Variants in SHPRH observed in about 807,000 individuals in gnomAD.
SHPRH encodes E3 ubiquitin-protein ligase SHPRH.
Under a neutral mutation model 202.5 loss-of-function variants are expected in SHPRH, and 106 were observed. That is an observed-to-expected ratio of 0.52 (90% CI 0.45 to 0.62). The LOEUF is 0.62. Ranked by LOEUF, SHPRH falls within the 20% of genes least tolerant of loss-of-function variation. The pLI is 0.00. For synonymous variants in SHPRH, 729 were observed against 686.0 expected (o/e 1.06, Z -0.98); for missense variants, 1,710 against 2,020.0 (o/e 0.85, Z 2.94).
chr6:145,894,656 C>T (rs1781856287), intron 26 of SHPRH, among the ~76,000 whole-genome samples: 1 of 151,692 alleles, frequency 6.6e-6, no homozygotes, highest in Non-Finnish European at 1.5e-5. Context: ...TAAGAAAATC[C>T]TTAAATGAAA....
rs755863259 is a variant in SHPRH, at chr6:145,924,898, C to T, written c.3295-52G>A. 11 of 1,429,008 alleles carry T rather than the reference C, an allele frequency of 7.7e-6. No homozygotes were observed. The African/African-American group carries it at 1.1e-4, about 15-fold the overall frequency. The allele number at this position is 1,429,008 out of a possible 1,614,324, so 88.5% of individuals were successfully genotyped here. A position where few individuals can be genotyped will look rare whatever the true frequency, so the allele number is the denominator to read the frequency against. ...TTCACTCCCAATCTAGAATATAATT[C>T]AGTATGATGTTTCAAGAAGAATGGG... On this transcript the variant is annotated intron_variant, in intron 16 of 29. Transcript: ENST00000275233.
chr6:145,892,364 AAC>A (rs1462966888), intron 28 of SHPRH, among the ~76,000 whole-genome samples: 1 of 152,112 alleles, frequency 6.6e-6, no homozygotes, highest in Non-Finnish European at 1.5e-5. Flanking sequence ...TTCTTTTGTT[AAC>A]ACAGTCCTTT....
intron 11 of SHPRH, among the ~76,000 whole-genome samples, chr6:145,936,984 T>TCC (rs1562345157): frequency 2.3e-4 from 33 of 143,998 alleles, no homozygotes; most frequent in African/African-American, 7.6e-4. Context: ...TCATCTTTTT[T>TCC]TTTTTTTTTT....
At chr6:145,924,093 T>C (rs950791222) in intron 17 of SHPRH, among the ~76,000 whole-genome samples, 1 of 151,946 alleles carries the variant, frequency 6.6e-6, no homozygotes, top group Non-Finnish European at 1.5e-5. Context: ...CAATACTCAA[T>C]CTATATGTGT....
intron 28 of SHPRH, among the ~76,000 whole-genome samples, chr6:145,889,972 C>T (rs1187291724): frequency 6.6e-6 from 1 of 152,184 alleles, no homozygotes; most frequent in Non-Finnish European, 1.5e-5. Context: ...GTGTTTGATC[C>T]CATATCCTCT....
At chr6:145,959,863 T>C (rs897915115) in intron 1 of SHPRH, among the ~76,000 whole-genome samples, 2 of 152,254 alleles carry the variant, frequency 1.3e-5, no homozygotes, top group Non-Finnish European at 2.9e-5. Flanking sequence ...TATCCTCTCT[T>C]ATCTTAGTGG....
At chr6:145,864,390 A>G in exon 3 of SHPRH, 1 of 427,676 alleles carries the variant, frequency 2.3e-6, no homozygotes, top group Non-Finnish European at 4.9e-6. Flanking sequence ...CAACTCACAA[A>G]TCACCAAATC....
downstream of SHPRH, among the ~76,000 whole-genome samples, chr6:145,880,446 T>G (rs1398988958): frequency 2.0e-5 from 3 of 152,054 alleles, no homozygotes; most frequent in African/African-American, 7.2e-5. Context: ...TTGGGCAACA[T>G]GGAGAAACCC....
rs1256286211 is a variant in SHPRH at position 145,954,679 on chromosome 6, A to T, written c.633+11T>A. ...AGAGCCTCAAAAAAGACACCACAAA[A>T]AACTGAGTACCTTGATAATGTGATT... On this transcript the variant is annotated intron_variant, in intron 2 of 29. Transcript: ENST00000275233. The T allele has an allele frequency of 2.6e-6, 4 of 1,551,364 alleles. No individual in the cohort carries two copies. In the African/African-American group the frequency reaches 5.5e-5, roughly 22 times the overall value.
intron 25 of SHPRH, chr6:145,903,442 T>G (rs1782680657): frequency 6.6e-6 from 1 of 151,932 alleles, no homozygotes; most frequent in Non-Finnish European, 1.5e-5. Flanking sequence ...TTTTTTTCTC[T>G]ACAAAAAGGC....
At chr6:145,954,065 G>C in intron 2 of SHPRH, among the ~76,000 whole-genome samples, 1 of 151,518 alleles carries the variant, frequency 6.6e-6, no homozygotes. Flanking sequence ...TTTAAGAAAC[G>C]ATCTCCCTGG....
intron 18 of SHPRH, among the ~76,000 whole-genome samples, chr6:145,923,183 T>C (rs948417189): frequency 6.6e-6 from 1 of 151,776 alleles, no homozygotes; most frequent in Admixed American, 6.6e-5. Flanking sequence ...CCTTGCTCTA[T>C]ATGAGGAGGT....
At chr6:145,963,463 T>A (rs1417428000) in intron 1 of SHPRH, among the ~76,000 whole-genome samples, 1 of 152,234 alleles carries the variant, frequency 6.6e-6, no homozygotes, top group Non-Finnish European at 1.5e-5. Flanking sequence ...GGTCATTATT[T>A]AACTGATCAT....
At position 145,943,643 on chromosome 6, in the gene SHPRH, G is replaced by A. The variant is rs774875508; in HGVS notation, c.1738C>T (p.Leu580Phe). 13 of 1,613,696 alleles carry A rather than the reference G, an allele frequency of 8.1e-6. No individual in the cohort carries two copies. Among genetic ancestry groups the A allele is most frequent in the Admixed American group, 1.7e-5 (1 of 59,938 alleles). Residue 580 changes from leucine (L) to phenylalanine (F), a missense_variant, in exon 9 of 30, where the codon CTT becomes TTT. Coordinates refer to ENST00000275233, the MANE Select transcript of SHPRH (RefSeq NM_001042683.3). The stretch of plus-strand genomic sequence containing the variant: ...TTTCCTTTTTTTGTGGATGGAACAA[G>A]CTTTTTCCTCAATTTACTGCGATTT... ...RRNRSKLRKK[L>F]VPSTKKGKSQ...
At position 145,957,757 on chromosome 6, in the gene SHPRH, T is replaced by C. The variant is rs1788655775; in HGVS notation, c.-32-2403A>G. On this transcript the variant is annotated intron_variant, in intron 1 of 29. Coordinates refer to ENST00000275233, the MANE Select transcript of SHPRH (RefSeq NM_001042683.3). Reference sequence around the variant, plus strand: ...AACATTTGAACACAGCACAGTCACTTTGGAAAAGTATCAGTTTCTAATAAA... The same window carrying C: ...AACATTTGAACACAGCACAGTCACTCTGGAAAAGTATCAGTTTCTAATAAA... Among the ~76,000 whole-genome samples, 3 of 152,288 alleles carry C rather than the reference T, an allele frequency of 2.0e-5. No homozygotes were observed. The South Asian group carries it at 6.2e-4, about 32-fold the overall frequency.
downstream of SHPRH, among the ~76,000 whole-genome samples, chr6:145,862,376 C>G (rs1411540328): frequency 6.6e-6 from 1 of 151,780 alleles, no homozygotes; most frequent in African/African-American, 2.4e-5. Context: ...ATGGCGTGAA[C>G]CCGGGAGGCG....
downstream of SHPRH, among the ~76,000 whole-genome samples, chr6:145,861,715 C>G (rs182054057): frequency 6.6e-6 from 1 of 152,056 alleles, no homozygotes; most frequent in African/African-American, 2.4e-5. Flanking sequence ...ACAAATGAAT[C>G]GACAAAGAAA....
intron 2 of SHPRH, chr6:145,876,714 C>A (rs1297468261): frequency 5.3e-5 from 8 of 152,152 alleles, no homozygotes; most frequent in Admixed American, 5.2e-4. Context: ...CCACCAAATT[C>A]ATAATTTGAA....
Position 145,933,171 on chromosome 6 carries a change from T to C in SHPRH, c.2998A>G (p.Thr1000Ala). Residue 1000 changes from threonine (T) to alanine (A), a missense_variant, in exon 14 of 30, where the codon ACA (threonine) becomes GCA (alanine). Thr to Ala is a moderately conservative substitution (Grantham distance 58). Transcript: ENST00000275233. ...EFLPLQKSTM[T>A]MEELLTSLQK... ...AAAGATGTCAGCAGCTCTTCCATTG[T>C]CATGGTGCTAAAAGAAAAGGTAGAC... is the stretch of plus-strand genomic sequence containing the variant. The C allele has an allele frequency of 6.2e-7, 1 of 1,613,914 alleles. No homozygotes were observed. The highest frequency in any genetic ancestry group is 2.2e-5 in the East Asian group (1 of 44,818).
Sources: allele counts gnomAD v4.1 joint callset (sites outside exome capture counted in the v4.1 genomes callset), GRCh38; gene constraint gnomAD v4.1.1; transcripts MANE v1.5; gene names NCBI Gene and HGNC (gene_info 2026-07-23, HGNC 2026-07-21).